DCTN4: variants seen among roughly 807,000 people sequenced by gnomAD.
DCTN4 encodes the protein dynactin 4 (p62).
DCTN4 carries 23 observed loss-of-function variants against 62.7 expected under a neutral mutation model. The observed-to-expected ratio is 0.37, with a 90% confidence interval of 0.26 to 0.52. DCTN4 has a LOEUF of 0.52. Among genes scored for constraint, DCTN4 ranks in the 20% least tolerant of loss-of-function variants. The pLI is 0.92. For synonymous variants in DCTN4, 199 were observed against 202.1 expected (o/e 0.98, Z 0.13); for missense variants, 514 against 580.4 (o/e 0.89, Z 1.18).
intron 1 of DCTN4, among the ~76,000 whole-genome samples, chr5:150,756,969 A>G (rs1461178054): frequency 6.6e-6 from 1 of 152,224 alleles, no homozygotes; most frequent in Non-Finnish European, 1.5e-5. Context: ...ATTTATTTAC[A>G]TAGTCAGCTA....
intron 12 of DCTN4, among the ~76,000 whole-genome samples, chr5:150,712,433 T>G (rs1331037254): frequency 6.6e-6 from 1 of 152,014 alleles, no homozygotes; most frequent in African/African-American, 2.4e-5. Flanking sequence ...CCCGGCCTTA[T>G]TTTTATTTTT....
chr5:150,730,668 T>C lies in DCTN4; in HGVS notation c.797A>G (p.His266Arg). ...GGACCGTTTGATCAGAAGATGTTTG[T>C]GGCGAGGATAGAGCTGTGAAGCACA... ...PVCASQLYPR[H>R]KHLLIKRSLR... Residue 266 changes from histidine (H) to arginine (R), a missense_variant, in exon 8 of 13, where the codon CAC becomes CGC. By Grantham distance (29) the His-to-Arg change is conservative. Transcript: ENST00000447998. 1 of 1,614,088 alleles carries C rather than the reference T, an allele frequency of 6.2e-7. No individual in the cohort carries two copies. The highest frequency in any genetic ancestry group is 8.5e-7 in the Non-Finnish European group (1 of 1,179,964).
intron 3 of DCTN4, among the ~76,000 whole-genome samples, chr5:150,751,827 C>T (rs1752686449): frequency 6.6e-6 from 1 of 152,104 alleles, no homozygotes; most frequent in Non-Finnish European, 1.5e-5. Flanking sequence ...CATTCTAAAC[C>T]AAAGAGCAAA....
chr5:150,733,218 C>A, intron 5 of DCTN4, 150 bp downstream of exon 5: 1 of 544,988 alleles, frequency 1.8e-6, no homozygotes, highest in South Asian at 2.8e-5. Context: ...TAGCAAAAGC[C>A]TAACTATTGG....
At chr5:150,739,006 C>T (rs1760678117) in intron 4 of DCTN4, among the ~76,000 whole-genome samples, 1 of 152,006 alleles carries the variant, frequency 6.6e-6, no homozygotes, top group Admixed American at 6.6e-5. Context: ...CCAGCCTGGC[C>T]AACATGGTAA....
Position 150,730,671 on chromosome 5 carries a change from C to A in DCTN4, c.794G>T (p.Arg265Leu), listed in dbSNP as rs375060562. 15 of 1,613,764 alleles carry A rather than the reference C, an allele frequency of 9.3e-6. No individual in the cohort carries two copies. The highest frequency in any genetic ancestry group is 1.3e-5 in the Non-Finnish European group (15 of 1,179,916). ...CCGTTTGATCAGAAGATGTTTGTGG[C>A]GAGGATAGAGCTGTGAAGCACAGAC... The part of the protein sequence containing the change: ...QPVCASQLYP[R>L]HKHLLIKRSL... Residue 265 changes from arginine to leucine, a missense_variant, in exon 8 of 13, where the codon CGC becomes CTC. By Grantham distance (102) the Arg-to-Leu change is moderately radical. Coordinates refer to ENST00000447998, the MANE Select transcript of DCTN4 (RefSeq NM_016221.4).
In DCTN4 at chr5:150,710,892, A is replaced by G. The variant is rs752532504; in HGVS notation, c.*257T>C. ...CCATCCCCTTTCCTAGGATGGAATT[A>G]TGCTGCTGTTACTCAACGTGCAGGG... On this transcript the variant is annotated 3_prime_UTR_variant, in exon 13 of 13. Coordinates refer to ENST00000447998, the MANE Select transcript of DCTN4 (RefSeq NM_016221.4). 1.4e-5 allele frequency: 7 copies of G among 493,994 alleles called. No homozygotes were observed. The highest frequency in any genetic ancestry group is 2.6e-5 in the Non-Finnish European group (7 of 270,956). 30.6% of individuals were successfully genotyped at this position (493,994 alleles called of 1,614,324 possible). A position where few individuals can be genotyped will look rare whatever the true frequency, so the allele number is the denominator to read the frequency against.
At chr5:150,747,671 G>C (rs1342052182) in intron 3 of DCTN4, among the ~76,000 whole-genome samples, 29 of 151,616 alleles carry the variant, frequency 1.9e-4, no homozygotes, top group African/African-American at 4.4e-4. Context: ...ACGAACCTGA[G>C]AAAAACAAGC....
intron 12 of DCTN4, among the ~76,000 whole-genome samples, chr5:150,712,934 ATAAT>A (rs1348500863): frequency 6.6e-6 from 1 of 152,242 alleles, no homozygotes; most frequent in Non-Finnish European, 1.5e-5. Flanking sequence ...AATGTAAAAT[ATAAT>A]TAATTCAGTT....
In DCTN4 at chr5:150,718,290, T is replaced by A; in HGVS notation, c.1057A>T (p.Asn353Tyr). The change falls in exon 11 of 13, where the codon AAC becomes TAC. Residue 353 changes from asparagine (N) to tyrosine (Y), a missense_variant. Transcript: ENST00000447998. The stretch of plus-strand genomic sequence containing the variant: ...AATGCTCCTACCTTAGCAGTGCTGT[T>A]GATATCATCAGGGTCCCCCTCCTCA... Reference protein sequence around the residue: ...ECEEGDPDDINSTAKVVVPPK... With the variant: ...ECEEGDPDDIYSTAKVVVPPK... The A allele has an allele frequency of 1.2e-6, 2 of 1,613,464 alleles. No homozygotes were observed. The highest frequency in any genetic ancestry group is 1.7e-6 in the Non-Finnish European group (2 of 1,179,508).
intron 12 of DCTN4, among the ~76,000 whole-genome samples, chr5:150,712,290 C>T (rs746214935): frequency 6.6e-6 from 1 of 152,038 alleles, no homozygotes; most frequent in South Asian, 2.1e-4. Context: ...CCATCACGCC[C>T]AGCTAATTTT....
intron 5 of DCTN4, among the ~76,000 whole-genome samples, chr5:150,732,397 C>T (rs1039451622): frequency 3.3e-5 from 5 of 152,152 alleles, no homozygotes; most frequent in African/African-American, 7.2e-5. Flanking sequence ...GTGATCCCCC[C>T]GCCTCAGCCT....
At chr5:150,712,174 G>A (rs1476504601) in intron 12 of DCTN4, among the ~76,000 whole-genome samples, 1 of 152,132 alleles carries the variant, frequency 6.6e-6, no homozygotes, top group African/African-American at 2.4e-5. Flanking sequence ...CTGTCACCCA[G>A]GCTGGAGTGC....
At chr5:150,758,284 A>G in intron 1 of DCTN4, 1 of 985,596 alleles carries the variant, frequency 1.0e-6, no homozygotes, top group Non-Finnish European at 1.2e-6. Flanking sequence ...CTAGCTCCAT[A>G]AATACACTTT....
At position 150,730,743 on chromosome 5, in the gene DCTN4, A is replaced by G; in HGVS notation, c.725-3T>C. 6.2e-7 allele frequency: 1 copy of G among 1,613,212 alleles called. No homozygotes were observed. Among genetic ancestry groups the G allele is most frequent in the Non-Finnish European group, 8.5e-7 (1 of 1,179,466 alleles). On this transcript the variant is annotated splice_region_variant and splice_polypyrimidine_tract_variant and intron_variant, in intron 7 of 12. Transcript: ENST00000447998. The stretch of plus-strand genomic sequence containing the variant: ...CAGACGCTGCTGAAGGGTTGTTACT[A>G]GAAAGAAAGGCAGAAAACAGGCTTA...
chr5:150,722,782 C>A, intron 9 of DCTN4, 125 bp downstream of exon 9: 1 of 642,930 alleles, frequency 1.6e-6, no homozygotes, highest in Non-Finnish European at 2.6e-6. Flanking sequence ...AACAGAATGT[C>A]AAGATTATTT....
chr5:150,755,030 G>GAAAATGATCA (rs1298071613), intron 2 of DCTN4, among the ~76,000 whole-genome samples: 2 of 151,888 alleles, frequency 1.3e-5, no homozygotes, highest in Non-Finnish European at 2.9e-5. Context: ...GTACTGGTAA[G>GAAAATGATCA]AAAATGATCA....
chr5:150,718,439 C>T lies in DCTN4; in HGVS notation c.964-56G>A, dbSNP rs533973540. Reference sequence around the variant, plus strand: ...TTCGCCACTTTCTTAGCTGCTATACCGAATATTTCGCAAAATTACCATCCC... The same window carrying T: ...TTCGCCACTTTCTTAGCTGCTATACTGAATATTTCGCAAAATTACCATCCC... On this transcript the variant is annotated intron_variant, in intron 10 of 12. Coordinates refer to ENST00000447998, the MANE Select transcript of DCTN4 (RefSeq NM_016221.4). 185 of 1,266,970 alleles carry T rather than the reference C, an allele frequency of 1.5e-4. 1 individual carries two copies. The South Asian group carries it at 2.3e-3, about 16-fold the overall frequency. 78.5% of individuals were successfully genotyped at this position (1,266,970 alleles called of 1,614,324 possible).
At chr5:150,745,235 C>T (rs9716793) in intron 3 of DCTN4, among the ~76,000 whole-genome samples, 38 of 146,700 alleles carry the variant, frequency 2.6e-4, no homozygotes, top group Admixed American at 7.3e-4. Flanking sequence ...CAACAAGAAG[C>T]GCTAACTATC....
Sources: allele counts gnomAD v4.1 joint callset (sites outside exome capture counted in the v4.1 genomes callset), GRCh38; gene constraint gnomAD v4.1.1; transcripts MANE v1.5; gene names NCBI Gene and HGNC (gene_info 2026-07-23, HGNC 2026-07-21).